Variants in RFX4 observed in about 807,000 individuals in gnomAD.
RFX4 encodes regulatory factor X4.
RFX4 carries 10 observed loss-of-function variants against 95.0 expected under a neutral mutation model. The ratio of observed to expected loss-of-function variants is 0.11; its 90% CI spans 0.06 to 0.18. The LOEUF (loss-of-function observed/expected upper bound fraction) is 0.18, where lower values mean the gene tolerates loss of function less well. RFX4 is among the 10% of genes least tolerant of loss of function. The pLI, the probability that RFX4 is intolerant of heterozygous loss-of-function variation, is 1.00. For synonymous variants in RFX4, 321 were observed against 340.7 expected, an observed-to-expected ratio of 0.94 and a Z score of 0.64; for missense variants, 640 against 922.0, an observed-to-expected ratio of 0.69 and a Z score of 3.96.
At chr12:106,735,816 G>A (rs1224924589) in intron 15 of RFX4, among the ~76,000 whole-genome samples, 3 of 152,098 alleles carry the variant, frequency 2.0e-5, no homozygotes, top group African/African-American at 4.8e-5. Flanking sequence ...ATAAAGAAAA[G>A]TACAGAGACA....
chr12:106,691,106 G>C (rs1245098171), intron 7 of RFX4, among the ~76,000 whole-genome samples: 1 of 152,196 alleles, frequency 6.6e-6, no homozygotes, highest in Admixed American at 6.5e-5. Flanking sequence ...GCTATGGAAA[G>C]AGTGCCAGGC....
chr12:106,681,878 C>A, intron 4 of RFX4, 115 bp from the exon 5 acceptor site: 1 of 1,041,216 alleles, frequency 9.6e-7, no homozygotes, highest in Non-Finnish European at 1.5e-6. Context: ...CCTATTAAGT[C>A]ATTGCAACCA....
chr12:106,608,666 A>G (rs889472809), intron 1 of RFX4, 131 bp from the exon 2 acceptor site: 9 of 848,874 alleles, frequency 1.1e-5, no homozygotes, highest in Non-Finnish European at 1.6e-5. Flanking sequence ...GGCAGATGCC[A>G]CATGAATATT....
chr12:106,619,577 T>A (rs1299600130), intron 2 of RFX4, among the ~76,000 whole-genome samples: 2 of 152,164 alleles, frequency 1.3e-5, no homozygotes, highest in Non-Finnish European at 2.9e-5. Context: ...GGCTTTCTTG[T>A]TTTTATTCTT....
At chr12:106,641,967 CTATCTATATCTATATCTATATCTA>C (rs57799769) in intron 3 of RFX4, among the ~76,000 whole-genome samples, 2 of 135,038 alleles carry the variant, frequency 1.5e-5, no homozygotes, top group South Asian at 5.0e-4. Flanking sequence ...ATATCTATAT[CTATCTATATCTATATCTATATCTA>C]TATCTATATC....
At chr12:106,622,009 T>A (rs1440273115) in intron 2 of RFX4, among the ~76,000 whole-genome samples, 5 of 152,174 alleles carry the variant, frequency 3.3e-5, no homozygotes, top group Non-Finnish European at 7.4e-5. Context: ...TAGTGCAAGC[T>A]ACTTTATCAT....
chr12:106,698,126 C>T (rs2041916431), intron 8 of RFX4, among the ~76,000 whole-genome samples: 1 of 151,908 alleles, frequency 6.6e-6, no homozygotes, highest in South Asian at 2.1e-4. Flanking sequence ...GTGTGCACCA[C>T]CATGCCTGGC....
Position 106,747,706 on chromosome 12 carries a change from G to A in RFX4, c.1796+107G>A, listed in dbSNP as rs971630451. The A allele has an allele frequency of 8.6e-6, 11 of 1,278,638 alleles. No individual in the cohort carries two copies. The East Asian group carries it at 1.7e-4, about 19-fold the overall frequency. 79.2% of individuals were successfully genotyped at this position (1,278,638 alleles called of 1,614,324 possible). A position where few individuals can be genotyped will look rare whatever the true frequency, so the allele number is the denominator to read the frequency against. ...CCCAGCACTTTGGGAGGCCAAGGTG[G>A]GCCTTGAAGTCAGGAGTTCGAGACC... On this transcript the variant is annotated intron_variant, in intron 16 of 17. Coordinates refer to ENST00000392842, the MANE Select transcript of RFX4 (RefSeq NM_213594.3).
rs368743610 is a variant in RFX4 at position 106,720,066 on chromosome 12, G to A, written c.1233+12G>A. 1.2e-5 allele frequency: 20 copies of A among 1,611,584 alleles called. No individual in the cohort carries two copies. In the East Asian group the frequency reaches 2.0e-4, roughly 16 times the overall value. On this transcript the variant is annotated intron_variant, in intron 12 of 17. Transcript: ENST00000392842. This position sits in a 1 kb window ranked among gnomAD's most constrained non-coding sequence, Gnocchi z 4.2. The stretch of plus-strand genomic sequence containing the variant: ...GCTGTGTTGTGAAGGTTGGTAAACC[G>A]GCACCTAGCGGGCAGCCTTGGGCCC...
chr12:106,687,182 TCACACACACACACACACACACACACA>T (rs56006444), intron 6 of RFX4, 85 bp downstream of exon 6: 9 of 547,108 alleles, frequency 1.6e-5, no homozygotes, highest in Non-Finnish European at 2.9e-5. Context: ...TCTCTCTCTC[TCACACACACACACACACACACACACA>T]CACACACACA....
intron 3 of RFX4, among the ~76,000 whole-genome samples, chr12:106,647,889 G>A (rs1399015831): frequency 3.3e-5 from 5 of 152,126 alleles, no homozygotes; most frequent in African/African-American, 7.2e-5. Flanking sequence ...TTCAAGTAAC[G>A]TGCCCCAGGC....
chr12:106,657,346 C>T lies in RFX4; in HGVS notation c.315+2995C>T, dbSNP rs1301384308. Among the ~76,000 whole-genome samples, 2 of 152,198 alleles carry T rather than the reference C, an allele frequency of 1.3e-5. 1 individual carries two copies. The highest frequency in any genetic ancestry group is 3.8e-4 in the East Asian group (2 of 5,206). Reference sequence around the variant, plus strand: ...TGCAAGTGGGCTGAGGCAACACAGACATCAATGCTGAAGCTGTCCCCCAGG... The same window carrying T: ...TGCAAGTGGGCTGAGGCAACACAGATATCAATGCTGAAGCTGTCCCCCAGG... On this transcript the variant is annotated intron_variant, in intron 4 of 17. Transcript: ENST00000392842.
chr12:106,633,454 G>C (rs1174908960), intron 2 of RFX4, among the ~76,000 whole-genome samples: 2 of 152,228 alleles, frequency 1.3e-5, no homozygotes, highest in Non-Finnish European at 2.9e-5. Flanking sequence ...GAAAAGTGAT[G>C]TGTAGTGCCT....
intron 17 of RFX4, among the ~76,000 whole-genome samples, chr12:106,756,966 G>A (rs931855248): frequency 1.3e-5 from 2 of 152,106 alleles, no homozygotes; most frequent in Non-Finnish European, 2.9e-5. Context: ...GTAAATACTT[G>A]TCAATGAAAT....
intron 4 of RFX4, among the ~76,000 whole-genome samples, chr12:106,654,966 T>G (rs182566728): frequency 6.6e-6 from 1 of 150,880 alleles, no homozygotes; most frequent in Non-Finnish European, 1.5e-5. Flanking sequence ...CCAATTTGAG[T>G]CAATACATCT....
At chr12:106,696,491 AG>A in intron 8 of RFX4, 45 bp downstream of exon 8, 1 of 1,609,482 alleles carries the variant, frequency 6.2e-7, no homozygotes. Context: ...GGTCCACAGA[AG>A]GGATTGTTCT....
chr12:106,743,322 T>G (rs1033724407), intron 15 of RFX4, among the ~76,000 whole-genome samples: 5 of 152,202 alleles, frequency 3.3e-5, no homozygotes, highest in African/African-American at 1.2e-4. Flanking sequence ...ATTAGCTTCC[T>G]TAGAAAAGCA....
At chr12:106,619,839 T>A (rs2040145299) in intron 2 of RFX4, among the ~76,000 whole-genome samples, 1 of 152,174 alleles carries the variant, frequency 6.6e-6, no homozygotes, top group African/African-American at 2.4e-5. Flanking sequence ...AAATTCCCAT[T>A]TTCTATCATA....
intron 2 of RFX4, among the ~76,000 whole-genome samples, chr12:106,634,666 A>G (rs2040477847): frequency 6.6e-6 from 1 of 152,076 alleles, no homozygotes; most frequent in Non-Finnish European, 1.5e-5. Context: ...AAAGTGACAT[A>G]ATCTGTCAGG....
Sources: allele counts gnomAD v4.1 joint callset (sites outside exome capture counted in the v4.1 genomes callset), GRCh38; gene constraint gnomAD v4.1.1; non-coding constraint Gnocchi (gnomAD v3.1); transcripts MANE v1.5; gene names NCBI Gene and HGNC (gene_info 2026-07-23, HGNC 2026-07-21).